MAPK10: variants seen among roughly 807,000 people sequenced by gnomAD.
The protein encoded by MAPK10 is JNK3 alpha protein kinase.
In MAPK10, 25 loss-of-function variants were observed where a neutral mutation model predicts 59.3. The observed-to-expected ratio is 0.42, with a 90% CI of 0.31 to 0.59. The LOEUF (loss-of-function observed/expected upper bound fraction) is 0.59, where lower values mean the gene tolerates loss of function less well. Ranked by LOEUF, MAPK10 falls within the 20% of genes least tolerant of loss-of-function variation. The pLI, the probability that MAPK10 is intolerant of heterozygous loss-of-function variation, is 0.15. For missense variants in MAPK10, 351 were observed against 568.9 expected (o/e 0.62, Z 3.90); for synonymous variants, 190 against 200.5 (o/e 0.95, Z 0.44).
rs1209043331 is a variant in MAPK10, at chr4:86,010,478, A to T, written c.*6750T>A. 2.0e-5 allele frequency: 3 copies of T among 152,248 alleles called. No homozygotes were observed. The highest frequency in any genetic ancestry group is 7.2e-5 in the African/African-American group (3 of 41,466). 9.4% of individuals were successfully genotyped at this position (152,248 alleles called of 1,614,324 possible). On this transcript the variant is annotated 3_prime_UTR_variant, in exon 14 of 14. Coordinates refer to ENST00000641462, the MANE Select transcript of MAPK10 (RefSeq NM_138982.4). ...CATGCAATATATATCTCCTACACCG[A>T]AGTGTCCAAGAAATGTTTTTGGAGT...
intron 3 of MAPK10, among the ~76,000 whole-genome samples, chr4:86,177,755 G>C (rs2076010494): frequency 6.6e-6 from 1 of 151,866 alleles, no homozygotes; most frequent in East Asian, 1.9e-4. Flanking sequence ...TAAAACATTA[G>C]CAAATTATCC....
intron 4 of MAPK10, among the ~76,000 whole-genome samples, chr4:86,122,806 T>C (rs2059472505): frequency 6.6e-6 from 1 of 151,978 alleles, no homozygotes; most frequent in African/African-American, 2.4e-5. Flanking sequence ...TCAACATTGC[T>C]TCATTGTCCA....
chr4:86,544,975 G>A (rs1464299316), intron 1 of MAPK10, among the ~76,000 whole-genome samples: 1 of 152,066 alleles, frequency 6.6e-6, no homozygotes, highest in African/African-American at 2.4e-5. Context: ...GAGAGGAAGG[G>A]AGGGACGGCA....
intron 2 of MAPK10, among the ~76,000 whole-genome samples, chr4:86,321,683 T>A (rs954868246): frequency 8.6e-5 from 13 of 151,372 alleles, no homozygotes; most frequent in Non-Finnish European, 1.6e-4. Flanking sequence ...CATGTATACA[T>A]ATGTAACTAA....
chr4:86,151,883 T>A (rs1391609280), intron 4 of MAPK10: 1 of 152,256 alleles, frequency 6.6e-6, no homozygotes, highest in South Asian at 2.1e-4. Context: ...ATGTATTAGA[T>A]CTTCTGTAAA....
In MAPK10 at chr4:86,182,326, C is replaced by G. The variant is rs529954467; in HGVS notation, c.66+12010G>C. On this transcript the variant is annotated intron_variant, in intron 3 of 13. Coordinates refer to ENST00000641462, the MANE Select transcript of MAPK10 (RefSeq NM_138982.4). Reference sequence around the variant, plus strand: ...TGTACCTATTTTCTGTTAACAAATACTATTCAGCAATTTCATTTTCCGTAT... The same window carrying G: ...TGTACCTATTTTCTGTTAACAAATAGTATTCAGCAATTTCATTTTCCGTAT... Among the ~76,000 whole-genome samples, 430 of 152,188 alleles carry G rather than the reference C, an allele frequency of 2.8e-3. 2 individuals are homozygous for G. The highest frequency in any genetic ancestry group is 5.3e-3 in the Non-Finnish European group (360 of 67,998).
intron 1 of MAPK10, among the ~76,000 whole-genome samples, chr4:86,580,543 C>T (rs1305529221): frequency 6.6e-6 from 1 of 152,052 alleles, no homozygotes; most frequent in Non-Finnish European, 1.5e-5. Context: ...CTTACTTTGC[C>T]TTAATTTTGC....
chr4:86,337,760 C>G (rs937974699), intron 2 of MAPK10, among the ~76,000 whole-genome samples: 2 of 152,128 alleles, frequency 1.3e-5, no homozygotes, highest in Non-Finnish European at 1.5e-5. Context: ...TGTGCTGAGG[C>G]CAACTGAATA....
At chr4:86,210,579 T>C (rs1219835225) in intron 2 of MAPK10, among the ~76,000 whole-genome samples, 1 of 152,034 alleles carries the variant, frequency 6.6e-6, no homozygotes, top group Non-Finnish European at 1.5e-5. Flanking sequence ...TGATGTGATT[T>C]GTATGCATTG....
At chr4:86,445,968 G>GA (rs1369813905) in intron 1 of MAPK10, among the ~76,000 whole-genome samples, 8 of 151,984 alleles carry the variant, frequency 5.3e-5, no homozygotes, top group Non-Finnish European at 1.0e-4. Flanking sequence ...TAAAGGTAAA[G>GA]AAAAAAATCT....
chr4:86,382,326 A>T (rs1740854498), intron 1 of MAPK10, among the ~76,000 whole-genome samples: 1 of 152,058 alleles, frequency 6.6e-6, no homozygotes, highest in African/African-American at 2.4e-5. Context: ...CAGTCTTCAG[A>T]CCTCAGGATT....
rs147662823 is a variant in MAPK10, at chr4:86,031,195, A to T, written c.1174+173T>A. ...TGCCTTTCATTCTTGAGCAAATGTG[A>T]CATTGCTTTCGGCATGAAAAGACAG... On this transcript the variant is annotated intron_variant, in intron 12 of 13. Coordinates refer to ENST00000641462, the MANE Select transcript of MAPK10 (RefSeq NM_138982.4). Among the ~76,000 whole-genome samples, 666 of 152,316 alleles carry T rather than the reference A, an allele frequency of 4.4e-3. 16 individuals are homozygous for T. The highest frequency in any genetic ancestry group is 0.033 in the East Asian group (172 of 5,186).
chr4:86,584,763 G>A (rs1762546040), intron 1 of MAPK10, among the ~76,000 whole-genome samples: 1 of 152,128 alleles, frequency 6.6e-6, no homozygotes, highest in Non-Finnish European at 1.5e-5. Flanking sequence ...CATTATTAAT[G>A]TAACTGGAAT....
At chr4:86,080,950 G>T (rs1348308904) in intron 9 of MAPK10, 1 of 151,968 alleles carries the variant, frequency 6.6e-6, no homozygotes, top group East Asian at 1.9e-4. Flanking sequence ...GAGCAATGGT[G>T]CATTAAGAGT....
At chr4:86,451,134 C>T (rs114408922) in intron 1 of MAPK10, among the ~76,000 whole-genome samples, 193 of 152,196 alleles carry the variant, frequency 1.3e-3, no homozygotes, top group African/African-American at 4.5e-3. Context: ...AAGTACAAAC[C>T]GCTAATAATG....
intron 2 of MAPK10, among the ~76,000 whole-genome samples, chr4:86,231,504 A>C (rs1169259255): frequency 6.6e-6 from 1 of 151,942 alleles, no homozygotes; most frequent in Non-Finnish European, 1.5e-5. Context: ...AGAAAAAAAA[A>C]ATACGAAAAT....
chr4:86,056,615 T>C (rs895650836), intron 11 of MAPK10, among the ~76,000 whole-genome samples: 1 of 149,868 alleles, frequency 6.7e-6, no homozygotes, highest in Non-Finnish European at 1.5e-5. Context: ...CATAATCAAA[T>C]GATATTAGCT....
rs187750948 is a variant in MAPK10, at chr4:86,471,193, C to T, written c.-262-116549G>A. On this transcript the variant is annotated intron_variant, in intron 1 of 4. Transcript: ENST00000502302. ...CTGAGGCAGGAGAATTGCTTGAACCCAGGAGGTGGAGGTTGCAGTGAGCTG... is the reference window on the plus strand; with the variant it reads ...CTGAGGCAGGAGAATTGCTTGAACCTAGGAGGTGGAGGTTGCAGTGAGCTG... 9.5e-3 allele frequency among the ~76,000 whole-genome samples: 1,420 copies of T among 149,638 alleles called. 6 individuals carry two copies. Among genetic ancestry groups the T allele is most frequent in the Non-Finnish European group, 0.014 (958 of 67,686 alleles).
chr4:86,560,153 TA>T (rs1192475792), intron 1 of MAPK10, among the ~76,000 whole-genome samples: 1 of 152,210 alleles, frequency 6.6e-6, no homozygotes, highest in Admixed American at 6.5e-5. Flanking sequence ...TTAAAGTTGT[TA>T]AATTTTACAC....
Sources: allele counts gnomAD v4.1 joint callset (sites outside exome capture counted in the v4.1 genomes callset), GRCh38; gene constraint gnomAD v4.1.1; transcripts MANE v1.5; gene names NCBI Gene and HGNC (gene_info 2026-07-23, HGNC 2026-07-21).